Variants in CPSF2 observed in about 807,000 individuals in gnomAD.
CPSF2 encodes cleavage and polyadenylation specific factor 2, also known as cleavage and polyadenylation specificity factor subunit 2.
A neutral mutation model predicts 84.2 loss-of-function variants in CPSF2; 51 were observed. The observed-to-expected ratio is 0.61, with a 90% CI of 0.48 to 0.77. The LOEUF (loss-of-function observed/expected upper bound fraction) is 0.77. Ranked by LOEUF, CPSF2 falls within the 30% of genes least tolerant of loss-of-function variation. The pLI, the probability that CPSF2 is intolerant of heterozygous loss-of-function variation, is 0.00. For missense variants in CPSF2, 641 were observed against 929.4 expected (o/e 0.69, Z 4.03); for synonymous variants, 286 against 311.9 (o/e 0.92, Z 0.87).
chr14:92,132,559 G>A (rs546708288), intron 3 of CPSF2, among the ~76,000 whole-genome samples: 35 of 151,798 alleles, frequency 2.3e-4, no homozygotes, highest in African/African-American at 8.4e-4. Context: ...ATCACTTGAG[G>A]TCAGGAGTTC....
Position 92,146,736 on chromosome 14 carries a change from G to A in CPSF2, c.1140+3442G>A, listed in dbSNP as rs558323242. ...ATTCACTTGCTTAAATGGCTCCAAA[G>A]CCTTCCTTCTTCTCTTTCAATAAAA... is the stretch of plus-strand genomic sequence containing the variant. On this transcript the variant is annotated intron_variant, in intron 9 of 15. Coordinates refer to ENST00000298875, the MANE Select transcript of CPSF2 (RefSeq NM_017437.3). 1.5e-4 allele frequency among the ~76,000 whole-genome samples: 23 copies of A among 152,182 alleles called. No individual in the cohort carries two copies. The South Asian group carries it at 4.6e-3, about 30-fold the overall frequency.
intron 3 of CPSF2, among the ~76,000 whole-genome samples, chr14:92,131,950 C>T (rs1198823142): frequency 6.6e-6 from 1 of 152,082 alleles, no homozygotes; most frequent in Admixed American, 6.5e-5. Flanking sequence ...GAAAAAAAAT[C>T]CAAACCATTT....
In CPSF2 at chr14:92,166,490, G is replaced by C. The variant is rs900353870; in HGVS notation, c.*4746G>C. 1 of 152,126 alleles carries C rather than the reference G, an allele frequency of 6.6e-6. No homozygotes were observed. Among genetic ancestry groups the C allele is most frequent in the African/African-American group, 2.4e-5 (1 of 41,422 alleles). The allele number at this position is 152,126 out of a possible 1,614,324, so 9.4% of individuals were successfully genotyped here. A position where few individuals can be genotyped will look rare whatever the true frequency, so the allele number is the denominator to read the frequency against. On this transcript the variant is annotated 3_prime_UTR_variant, in exon 16 of 16. Transcript: ENST00000298875. ...GCCTCCCAAGTAGCTGAGATTACAA[G>C]TGTGTGCCACCATGCCTGACTAATT... is the stretch of plus-strand genomic sequence containing the variant.
At chr14:92,132,221 G>A (rs1002684042) in intron 3 of CPSF2, among the ~76,000 whole-genome samples, 5 of 151,608 alleles carry the variant, frequency 3.3e-5, no homozygotes, top group Non-Finnish European at 7.4e-5. Flanking sequence ...TGCAACTTCC[G>A]CCTCCAGGGT....
chr14:92,145,541 A>G (rs2069132821), intron 9 of CPSF2, among the ~76,000 whole-genome samples: 1 of 152,242 alleles, frequency 6.6e-6, no homozygotes, highest in African/African-American at 2.4e-5. Context: ...ATAATTATAG[A>G]ATTGTTGAGC....
At chr14:92,141,971 A>G (rs1290111299) in intron 7 of CPSF2, among the ~76,000 whole-genome samples, 193 bp from the exon 8 acceptor site, 1 of 152,218 alleles carries the variant, frequency 6.6e-6, no homozygotes, top group East Asian at 1.9e-4. Flanking sequence ...CACTGAATAT[A>G]TGAAGAGATA....
intron 9 of CPSF2, among the ~76,000 whole-genome samples, chr14:92,145,290 G>A (rs532705754): frequency 1.9e-4 from 29 of 152,228 alleles, no homozygotes; most frequent in African/African-American, 6.7e-4. Flanking sequence ...CTGGAGTGCA[G>A]TGGCACCATC....
chr14:92,131,421 G>A (rs1461150232), intron 3 of CPSF2, among the ~76,000 whole-genome samples: 2 of 152,166 alleles, frequency 1.3e-5, no homozygotes, highest in African/African-American at 2.4e-5. Flanking sequence ...TTTGAGAAGA[G>A]GAAACATTTT....
At chr14:92,150,279 T>G (rs371259907) in intron 9 of CPSF2, among the ~76,000 whole-genome samples, 216 of 151,754 alleles carry the variant, frequency 1.4e-3, no homozygotes, top group African/African-American at 5.1e-3. Flanking sequence ...GTTGCCCAGC[T>G]AATTTTTTTT....
At chr14:92,127,040 T>A (rs1432513418) in intron 2 of CPSF2, among the ~76,000 whole-genome samples, 6 of 152,090 alleles carry the variant, frequency 3.9e-5, no homozygotes, top group Admixed American at 3.9e-4. Flanking sequence ...TTCCTTCCTT[T>A]AAGAAACATT....
At position 92,137,199 on chromosome 14, in the gene CPSF2, A is replaced by G; in HGVS notation, c.546-1033A>G. Among the ~76,000 whole-genome samples the G allele has an allele frequency of 1.3e-5, 2 of 152,038 alleles. 1 individual carries two copies. The highest frequency in any genetic ancestry group is 2.9e-5 in the Non-Finnish European group (2 of 68,014). On this transcript the variant is annotated intron_variant, in intron 6 of 15. Transcript: ENST00000298875. ...TTTTTTGTTAGATACCATTAAAATT[A>G]TTATTATTCTTATTTATATTTTTAT...
Position 92,165,854 on chromosome 14 carries a change from C to CTTTTGTTTTTTTTTTTTTTTTTT in CPSF2, c.*4114_*4115insGTTTTTTTTTTTTTTTTTTTTTT, listed in dbSNP as rs2069438135. ...CAGTTCTTTGTGCTTGGTTTTATATCTTTTTTTTTTTTTTTTTTTTTTTTT... is the reference window on the plus strand; with the variant it reads ...CAGTTCTTTGTGCTTGGTTTTATATCTTTTGTTTTTTTTTTTTTTTTTTTTTTTTTTTTTTTTTTTTTTTTTTT... On this transcript the variant is annotated 3_prime_UTR_variant, in exon 16 of 16. Coordinates refer to ENST00000298875, the MANE Select transcript of CPSF2 (RefSeq NM_017437.3). 2 of 50,622 alleles carry CTTTTGTTTTTTTTTTTTTTTTTT rather than the reference C, an allele frequency of 4.0e-5. No homozygotes were observed. The highest frequency in any genetic ancestry group is 1.9e-4 in the African/African-American group (2 of 10,756). 3.1% of individuals were successfully genotyped at this position (50,622 alleles called of 1,614,324 possible). A position where few individuals can be genotyped will look rare whatever the true frequency, so the allele number is the denominator to read the frequency against.
At position 92,142,171 on chromosome 14, in the gene CPSF2, C is replaced by T. The variant is rs752692021; in HGVS notation, c.669C>T (p.Val223=). 3 of 1,602,696 alleles carry T rather than the reference C, an allele frequency of 1.9e-6. No homozygotes were observed. The African/African-American group carries it at 4.0e-5, about 21-fold the overall frequency. The change falls in exon 8 of 16, where the codon GTC becomes GTT. Residue 223 remains valine, a synonymous_variant. Transcript: ENST00000298875. The part of the protein sequence containing the change: ...KQRDEQLLTN[V]LETLRGDGNV... The stretch of plus-strand genomic sequence containing the variant: ...TACATTCTTGTTTTCTAGCAAATGT[C>T]CTGGAAACACTTCGAGGTGATGGAA...
chr14:92,141,528 A>G (rs534538324), intron 7 of CPSF2, among the ~76,000 whole-genome samples: 19 of 151,924 alleles, frequency 1.3e-4, no homozygotes, highest in Admixed American at 3.9e-4. Flanking sequence ...GGATCTCCCT[A>G]TGTTGTCCAG....
rs747408567 is a variant in CPSF2, at chr14:92,155,181, G to A, written c.1300G>A (p.Ala434Thr). 1 of 1,614,012 alleles carries A rather than the reference G, an allele frequency of 6.2e-7. No homozygotes were observed. The highest frequency in any genetic ancestry group is 8.5e-7 in the Non-Finnish European group (1 of 1,179,928). Residue 434 changes from alanine to threonine, a missense_variant, in exon 11 of 16, where the codon GCT becomes ACT. Ala to Thr is a moderately conservative substitution (Grantham distance 58). Around this residue, in one of 2 missense-constraint regions of CPSF2, gnomAD observed 430 missense variants for 553.6 expected, o/e 0.78. Transcript: ENST00000298875. ...DIEEDIDQPS[A>T]HKTKHDLMMK... ...TGAGGAAGATATTGACCAGCCATCA[G>A]CTCATAAGACGAAGCATGACTTGAT... is the stretch of plus-strand genomic sequence containing the variant.
chr14:92,164,719 C>T lies in CPSF2; in HGVS notation c.*2975C>T, dbSNP rs906567600. ...TAGAAATATCTTGGGTGGCCTGAAACAGAAGTGAGGAAATCAATTTTTTAA... is the reference window on the plus strand; with the variant it reads ...TAGAAATATCTTGGGTGGCCTGAAATAGAAGTGAGGAAATCAATTTTTTAA... On this transcript the variant is annotated 3_prime_UTR_variant, in exon 16 of 16. Coordinates refer to ENST00000298875, the MANE Select transcript of CPSF2 (RefSeq NM_017437.3). The T allele has an allele frequency of 6.6e-6, 1 of 152,256 alleles. No homozygotes were observed. Among genetic ancestry groups the T allele is most frequent in the Admixed American group, 6.5e-5 (1 of 15,300 alleles). The allele number at this position is 152,256 out of a possible 1,614,324, so 9.4% of individuals were successfully genotyped here. A position where few individuals can be genotyped will look rare whatever the true frequency, so the allele number is the denominator to read the frequency against.
At position 92,166,023 on chromosome 14, in the gene CPSF2, G is replaced by T. The variant is rs1437866469; in HGVS notation, c.*4279G>T. ...TTACAGGCACCCACCACCATGCCTG[G>T]CTAAATTTTTGTATTTTTAGTAAAG... On this transcript the variant is annotated 3_prime_UTR_variant, in exon 16 of 16. Transcript: ENST00000298875. 7 of 151,316 alleles carry T rather than the reference G, an allele frequency of 4.6e-5. No homozygotes were observed. The East Asian group carries it at 1.2e-3, about 25-fold the overall frequency. 9.4% of individuals were successfully genotyped at this position (151,316 alleles called of 1,614,324 possible).
Position 92,157,757 on chromosome 14 carries a change from A to G in CPSF2, c.1694A>G (p.His565Arg), listed in dbSNP as rs1435841453. The G allele has an allele frequency of 1.9e-6, 3 of 1,614,080 alleles. No homozygotes were observed. Among genetic ancestry groups the G allele is most frequent in the African/African-American group, 2.7e-5 (2 of 75,062 alleles). The change falls in exon 13 of 16, where the codon CAT becomes CGT. Residue 565 changes from histidine (H) to arginine (R), a missense_variant. His to Arg is a conservative substitution (Grantham distance 29). This residue lies in a region of CPSF2 where 430 missense variants were observed against 553.6 expected (regional missense o/e 0.78). Transcript: ENST00000298875. This position sits in a 1 kb window ranked among gnomAD's most constrained non-coding sequence, Gnocchi z 4.0. ...QMKPRQLIIV[H>R]GPPEASQDLA... ...AAACCACGACAGTTGATCATCGTCCATGGCCCACCAGAGGCCAGTCAAGAT... is the reference window on the plus strand; with the variant it reads ...AAACCACGACAGTTGATCATCGTCCGTGGCCCACCAGAGGCCAGTCAAGAT...
intron 2 of CPSF2, among the ~76,000 whole-genome samples, chr14:92,129,836 C>T (rs1328588126): frequency 6.6e-6 from 1 of 152,152 alleles, no homozygotes; most frequent in Non-Finnish European, 1.5e-5. Flanking sequence ...TAACCTCGGA[C>T]TCCTGGGCTC....
Sources: gnomAD v4.1 joint callset for allele counts (sites outside exome capture counted in the v4.1 genomes callset) on GRCh38, gnomAD v4.1.1 for gene constraint, gnomAD v4.1.1 regional missense constraint, Gnocchi (gnomAD v3.1) non-coding constraint, MANE v1.5 for transcripts, NCBI Gene and HGNC (gene_info 2026-07-23, HGNC 2026-07-21) for gene names.